ATP2B2: variants seen among roughly 807,000 people sequenced by gnomAD.
The protein encoded by ATP2B2 is plasma membrane calcium-transporting ATPase 2.
In ATP2B2, 15 loss-of-function variants were observed where a neutral mutation model predicts 120.0. The ratio of observed to expected loss-of-function variants is 0.12; its 90% CI spans 0.08 to 0.19. The LOEUF (loss-of-function observed/expected upper bound fraction) is 0.19. ATP2B2 is among the 10% of genes least tolerant of loss of function. The probability of loss-of-function intolerance (pLI) is 1.00; values close to 1 mark genes in which losing one functional copy is unlikely to be tolerated. For missense variants in ATP2B2, 1,045 were observed against 1,719.8 expected (o/e 0.61, Z 6.94); for synonymous variants, 694 against 700.3 (o/e 0.99, Z 0.14).
chr3:10,666,331 C>T (rs2070932858), intron 1 of ATP2B2, among the ~76,000 whole-genome samples: 3 of 152,230 alleles, frequency 2.0e-5, no homozygotes, highest in Admixed American at 6.5e-5. Flanking sequence ...ATAACCACCC[C>T]TGGCCTTGAG....
intron 1 of ATP2B2, among the ~76,000 whole-genome samples, chr3:10,457,361 G>T (rs1336195589): frequency 6.6e-6 from 1 of 152,096 alleles, no homozygotes; most frequent in Non-Finnish European, 1.5e-5. Context: ...AGTATGAGTG[G>T]GACAGGGTCT....
At chr3:10,706,346 T>G (rs2071895854) in intron 1 of ATP2B2, among the ~76,000 whole-genome samples, 1 of 152,204 alleles carries the variant, frequency 6.6e-6, no homozygotes, top group Non-Finnish European at 1.5e-5. Flanking sequence ...CCAGACTGTA[T>G]GCAGAGGGGG....
intron 2 of ATP2B2, among the ~76,000 whole-genome samples, chr3:10,562,715 T>G (rs1228118306): frequency 6.6e-6 from 1 of 152,212 alleles, no homozygotes; most frequent in Non-Finnish European, 1.5e-5. Context: ...ATTCAAGAAT[T>G]GGGCAAACAT....
intron 2 of ATP2B2, among the ~76,000 whole-genome samples, chr3:10,427,098 A>G (rs1397676851): frequency 2.6e-5 from 4 of 152,204 alleles, no homozygotes; most frequent in Admixed American, 6.5e-5. Flanking sequence ...CCGCACATCT[A>G]AACTTCAAAA....
intron 3 of ATP2B2, among the ~76,000 whole-genome samples, chr3:10,522,018 C>T (rs1380200890): frequency 6.6e-6 from 1 of 152,170 alleles, no homozygotes; most frequent in African/African-American, 2.4e-5. Flanking sequence ...TGTTCTTTCA[C>T]AGTTCACAGA....
chr3:10,385,760 T>A lies in ATP2B2; in HGVS notation c.941-433A>T, dbSNP rs2124849211. Among the ~76,000 whole-genome samples the A allele has an allele frequency of 1.3e-5, 2 of 152,192 alleles. 1 individual carries two copies. The highest frequency in any genetic ancestry group is 6.8e-3 in the Middle Eastern group (2 of 294). On this transcript the variant is annotated intron_variant, in intron 7 of 22. Coordinates refer to ENST00000360273, the MANE Select transcript of ATP2B2 (RefSeq NM_001001331.4). ...CACGGACCACTCAGAATGAGTATTCTCCATGACCACCATCTCTGTGCATCA... is the reference window on the plus strand; with the variant it reads ...CACGGACCACTCAGAATGAGTATTCACCATGACCACCATCTCTGTGCATCA...
chr3:10,633,932 T>C (rs975665858), intron 1 of ATP2B2, among the ~76,000 whole-genome samples: 6 of 152,222 alleles, frequency 3.9e-5, no homozygotes, highest in African/African-American at 1.4e-4. Context: ...GGTGGCCATC[T>C]GACCCATTTT....
intron 2 of ATP2B2, among the ~76,000 whole-genome samples, chr3:10,421,823 G>A (rs11707511): frequency 0.2 from 30,136 of 152,156 alleles, 3,348 homozygotes; most frequent in Admixed American, 0.3. Context: ...ATCTGGCTTC[G>A]AACCCAGGAT....
chr3:10,380,498 C>T (rs1329954179), intron 8 of ATP2B2, among the ~76,000 whole-genome samples: 2 of 152,086 alleles, frequency 1.3e-5, no homozygotes, highest in East Asian at 3.8e-4. Context: ...CACAGCCTCA[C>T]CTATGAAGGG....
chr3:10,590,958 G>A (rs1456117095), intron 2 of ATP2B2, among the ~76,000 whole-genome samples: 2 of 152,028 alleles, frequency 1.3e-5, no homozygotes, highest in African/African-American at 4.8e-5. Context: ...TCCTACTGAA[G>A]GCTCCAAAGC....
intron 2 of ATP2B2, among the ~76,000 whole-genome samples, chr3:10,430,026 G>A (rs1233689646): frequency 6.6e-6 from 1 of 152,222 alleles, no homozygotes; most frequent in Admixed American, 6.5e-5. Context: ...GAAGCTAGCA[G>A]AGGTTGGTTC....
chr3:10,579,809 TGAAAACA>T (rs1427529436), intron 2 of ATP2B2, among the ~76,000 whole-genome samples: 3 of 55,348 alleles, frequency 5.4e-5, no homozygotes, highest in Non-Finnish European at 1.2e-4. Context: ...GACTCCGTCT[TGAAAACA>T]AAACAAAACA....
chr3:10,553,808 C>T (rs1301117801), intron 2 of ATP2B2, among the ~76,000 whole-genome samples: 1 of 152,142 alleles, frequency 6.6e-6, no homozygotes, highest in Non-Finnish European at 1.5e-5. Context: ...ATCAACACTT[C>T]TGGGCCCGTT....
chr3:10,574,343 C>A (rs550173570), intron 2 of ATP2B2, among the ~76,000 whole-genome samples: 1 of 152,132 alleles, frequency 6.6e-6, no homozygotes, highest in Non-Finnish European at 1.5e-5. Flanking sequence ...CCCGGGAGGC[C>A]CCCACACAGC....
intron 8 of ATP2B2, among the ~76,000 whole-genome samples, chr3:10,384,878 G>A (rs2061628619): frequency 6.6e-6 from 1 of 152,252 alleles, no homozygotes; most frequent in Non-Finnish European, 1.5e-5. Context: ...CCAGATGCCA[G>A]CTTCAGCCCA....
At chr3:10,478,557 C>G (rs558402069) in intron 1 of ATP2B2, among the ~76,000 whole-genome samples, 1 of 152,242 alleles carries the variant, frequency 6.6e-6, no homozygotes, top group South Asian at 2.1e-4. Context: ...TCTAAGCTTT[C>G]CCATCCAACC....
intron 1 of ATP2B2, among the ~76,000 whole-genome samples, chr3:10,466,489 G>A (rs1355101086): frequency 6.6e-6 from 1 of 152,120 alleles, no homozygotes; most frequent in Non-Finnish European, 1.5e-5. Context: ...CAATTAGGCC[G>A]AACAGTTTTA....
chr3:10,553,389 T>C (rs2067710033), intron 2 of ATP2B2, among the ~76,000 whole-genome samples: 1 of 152,088 alleles, frequency 6.6e-6, no homozygotes, highest in Non-Finnish European at 1.5e-5. Context: ...TCAGGATTAA[T>C]TCAGACTGGG....
intron 2 of ATP2B2, among the ~76,000 whole-genome samples, chr3:10,561,529 G>T (rs2067903384): frequency 6.6e-6 from 1 of 152,122 alleles, no homozygotes; most frequent in Non-Finnish European, 1.5e-5. Flanking sequence ...GAAGTGATTT[G>T]CCCAAGGTCA....
Sources: gnomAD v4.1 joint callset for allele counts (sites outside exome capture counted in the v4.1 genomes callset) on GRCh38, gnomAD v4.1.1 for gene constraint, MANE v1.5 for transcripts, NCBI Gene and HGNC (gene_info 2026-07-23, HGNC 2026-07-21) for gene names.